PRELID2: variants seen among roughly 807,000 people sequenced by gnomAD.
The protein encoded by PRELID2 is PRELI domain-containing protein 2.
PRELID2 carries 25 observed loss-of-function variants against 28.4 expected under a neutral mutation model. The observed-to-expected ratio is 0.88, with a 90% CI of 0.64 to 1.23. The LOEUF (loss-of-function observed/expected upper bound fraction) is 1.23. PRELID2 is among the 50% of genes most tolerant of loss of function. PRELID2 has a pLI of 0.00. For missense variants in PRELID2, 201 were observed against 214.4 expected, an observed-to-expected ratio of 0.94 and a Z score of 0.39; for synonymous variants, 76 against 71.6, an observed-to-expected ratio of 1.06 and a Z score of -0.31.
intron 4 of PRELID2, among the ~76,000 whole-genome samples, chr5:145,812,072 T>C (rs1343692979): frequency 3.3e-5 from 5 of 152,108 alleles, no homozygotes; most frequent in Non-Finnish European, 5.9e-5. Flanking sequence ...ACCTATATCA[T>C]TCCTCTGAAC....
chr5:145,689,479 C>G (rs764651805), intron 1 of PRELID2, among the ~76,000 whole-genome samples: 3 of 152,282 alleles, frequency 2.0e-5, no homozygotes, highest in South Asian at 2.1e-4. Flanking sequence ...GGGGAGCCAA[C>G]CAGCAAAGGA....
At chr5:145,607,348 T>C (rs1161500613) in intron 1 of PRELID2, among the ~76,000 whole-genome samples, 1 of 152,170 alleles carries the variant, frequency 6.6e-6, no homozygotes, top group Non-Finnish European at 1.5e-5. Flanking sequence ...AGATTGCTAA[T>C]TTGAGATCTT....
chr5:145,541,327 T>C (rs1256234112), intron 1 of PRELID2, among the ~76,000 whole-genome samples: 1 of 152,106 alleles, frequency 6.6e-6, no homozygotes, highest in Non-Finnish European at 1.5e-5. Context: ...CTAGCTCACT[T>C]AATCCTTATA....
the PRELID2 span, among the ~76,000 whole-genome samples, chr5:145,466,744 G>A: frequency 6.6e-6 from 1 of 152,002 alleles, no homozygotes; most frequent in Non-Finnish European, 1.5e-5. Flanking sequence ...ATAGTTTTCT[G>A]TCTAAGCAGG....
chr5:145,370,111 A>C, the PRELID2 span, among the ~76,000 whole-genome samples: 1 of 152,056 alleles, frequency 6.6e-6, no homozygotes, highest in Non-Finnish European at 1.5e-5. Flanking sequence ...CTGAGCAGAA[A>C]GTCTTTAGTT....
In PRELID2 at chr5:145,758,930, A is replaced by C. The variant is rs1173227366; in HGVS notation, c.*1606T>G. The C allele has an allele frequency of 6.6e-6, 1 of 151,964 alleles. No individual in the cohort carries two copies. Among genetic ancestry groups the C allele is most frequent in the Non-Finnish European group, 1.5e-5 (1 of 67,996 alleles). 9.4% of individuals were successfully genotyped at this position (151,964 alleles called of 1,614,324 possible). A position where few individuals can be genotyped will look rare whatever the true frequency, so the allele number is the denominator to read the frequency against. On this transcript the variant is annotated 3_prime_UTR_variant, in exon 7 of 7. Transcript: ENST00000683046. ...TTGCTTTGAAATTCATCAATGGATT[A>C]AGTGGAAAAATTTTCAGACATTTTA... is the stretch of plus-strand genomic sequence containing the variant.
chr5:145,623,230 C>G (rs6862768), intron 1 of PRELID2, among the ~76,000 whole-genome samples: 10,431 of 151,724 alleles, frequency 0.069, 563 homozygotes, highest in Admixed American at 0.18. Flanking sequence ...GTGGGCAGAT[C>G]ATGAGGTCAT....
chr5:145,825,966 G>T, intron 1 of PRELID2: 5 of 932,984 alleles, frequency 5.4e-6, no homozygotes, highest in Non-Finnish European at 6.4e-6. Context: ...AAGAGGGAAG[G>T]CTTCTCAGAG....
the PRELID2 span, among the ~76,000 whole-genome samples, chr5:145,424,028 G>A: frequency 1.3e-5 from 2 of 150,614 alleles, no homozygotes; most frequent in Admixed American, 1.3e-4. Flanking sequence ...GCTGGGGGGT[G>A]CCTCCCAGTT....
chr5:145,651,660 C>T (rs1754300157), intron 1 of PRELID2, among the ~76,000 whole-genome samples: 1 of 152,176 alleles, frequency 6.6e-6, no homozygotes, highest in Admixed American at 6.5e-5. Context: ...TGGAGTGGAC[C>T]TTCACAAACT....
At chr5:145,647,935 T>A (rs1272233294) in intron 1 of PRELID2, among the ~76,000 whole-genome samples, 1 of 152,208 alleles carries the variant, frequency 6.6e-6, no homozygotes, top group East Asian at 1.9e-4. Context: ...ATCACCCTGC[T>A]TGTGCAGCAG....
chr5:145,668,636 T>C (rs1045828956), intron 1 of PRELID2, among the ~76,000 whole-genome samples: 1 of 152,098 alleles, frequency 6.6e-6, no homozygotes, highest in Non-Finnish European at 1.5e-5. Context: ...GCACATAAGG[T>C]ATATTATATA....
chr5:145,317,868 G>A, the PRELID2 span, among the ~76,000 whole-genome samples: 7 of 152,066 alleles, frequency 4.6e-5, no homozygotes, highest in African/African-American at 7.2e-5. Context: ...AGATTTCTGT[G>A]TTACTATTTA....
chr5:145,608,185 T>C (rs1004899099), intron 1 of PRELID2, among the ~76,000 whole-genome samples: 4 of 152,206 alleles, frequency 2.6e-5, no homozygotes, highest in African/African-American at 7.2e-5. Context: ...AGCATACAAG[T>C]GAGTCTTGCT....
chr5:145,261,220 T>C, the PRELID2 span, among the ~76,000 whole-genome samples: 2 of 152,094 alleles, frequency 1.3e-5, no homozygotes, highest in African/African-American at 2.4e-5. Context: ...TACCTGATGG[T>C]CTTTCTCTTG....
chr5:145,306,702 A>T, the PRELID2 span, among the ~76,000 whole-genome samples: 1 of 152,064 alleles, frequency 6.6e-6, no homozygotes, highest in Non-Finnish European at 1.5e-5. Flanking sequence ...TTATAATAAT[A>T]TAACTAGTGA....
At chr5:145,360,556 C>T in the PRELID2 span, among the ~76,000 whole-genome samples, 1 of 152,176 alleles carries the variant, frequency 6.6e-6, no homozygotes, top group African/African-American at 2.4e-5. Flanking sequence ...GCCTATTGTG[C>T]ATTTCAATAT....
At chr5:145,611,143 A>G (rs1753608856) in intron 1 of PRELID2, among the ~76,000 whole-genome samples, 1 of 151,984 alleles carries the variant, frequency 6.6e-6, no homozygotes, top group Non-Finnish European at 1.5e-5. Context: ...ATAAATTATT[A>G]GAACTGAGAA....
At chr5:145,540,389 T>A (rs562640763) in intron 1 of PRELID2, among the ~76,000 whole-genome samples, 1 of 152,140 alleles carries the variant, frequency 6.6e-6, no homozygotes, top group South Asian at 2.1e-4. Flanking sequence ...TACACTAGTA[T>A]ACAAAGATAT....
Sources: gnomAD v4.1 joint callset for allele counts (sites outside exome capture counted in the v4.1 genomes callset) on GRCh38, gnomAD v4.1.1 for gene constraint, MANE v1.5 for transcripts, NCBI Gene and HGNC (gene_info 2026-07-23, HGNC 2026-07-21) for gene names.